Variants in SPAG16 observed in about 807,000 individuals in gnomAD.
SPAG16 encodes the protein sperm associated antigen 16, also known as sperm-associated antigen 16 protein.
In SPAG16, 86 loss-of-function variants were observed where a neutral mutation model predicts 80.4. The ratio of observed to expected loss-of-function variants is 1.07; its 90% CI spans 0.90 to 1.28. The LOEUF (loss-of-function observed/expected upper bound fraction) is 1.28. Among genes scored for constraint, SPAG16 ranks in the 50% most tolerant of loss-of-function variants. SPAG16 has a pLI of 0.00. For missense variants in SPAG16, 870 were observed against 765.3 expected, an observed-to-expected ratio of 1.14 and a Z score of -1.61; for synonymous variants, 294 against 265.9, an observed-to-expected ratio of 1.11 and a Z score of -1.03.
intron 14 of SPAG16, among the ~76,000 whole-genome samples, chr2:214,114,057 T>G (rs568719172): frequency 6.6e-6 from 1 of 152,324 alleles, no homozygotes; most frequent in South Asian, 2.1e-4. Flanking sequence ...TTCTGTTTGT[T>G]ATTTTTCCTT....
chr2:213,285,297 T>C (rs965555018), intron 1 of SPAG16, among the ~76,000 whole-genome samples: 1 of 152,208 alleles, frequency 6.6e-6, no homozygotes, highest in Non-Finnish European at 1.5e-5. Context: ...TTATCGGAAG[T>C]ACCAGAAAAA....
chr2:213,638,728 G>T (rs1447123201), intron 10 of SPAG16, among the ~76,000 whole-genome samples: 3 of 152,124 alleles, frequency 2.0e-5, no homozygotes, highest in African/African-American at 7.2e-5. Flanking sequence ...CAGTTGCTAG[G>T]TAGAATGTTC....
chr2:213,429,138 T>A lies in SPAG16; in HGVS notation c.942+54019T>A, dbSNP rs71426337. On this transcript the variant is annotated intron_variant, in intron 9 of 15. Coordinates refer to ENST00000331683, the MANE Select transcript of SPAG16 (RefSeq NM_024532.5). ...GGAGAGAGGTGGGTCCTATATTCGT[T>A]TGCCTAGATTAAGGACTGGGCTGCC... Among the ~76,000 whole-genome samples, 910 of 151,980 alleles carry A rather than the reference T, an allele frequency of 6.0e-3. 5 individuals are homozygous for A. The highest frequency in any genetic ancestry group is 0.011 in the Admixed American group (168 of 15,290).
intron 15 of SPAG16, among the ~76,000 whole-genome samples, chr2:214,317,749 A>G (rs1034494213): frequency 3.3e-5 from 5 of 152,244 alleles, no homozygotes; most frequent in Admixed American, 2.6e-4. Flanking sequence ...TGGGCAGGGG[A>G]AAAAGTGGCT....
chr2:213,780,805 T>C (rs1166440893), intron 10 of SPAG16, among the ~76,000 whole-genome samples: 4 of 152,156 alleles, frequency 2.6e-5, no homozygotes, highest in African/African-American at 9.7e-5. Flanking sequence ...AGTCATCTTA[T>C]AAATACTTGG....
intron 10 of SPAG16, among the ~76,000 whole-genome samples, chr2:213,559,336 CT>C (rs2059529683): frequency 6.6e-6 from 1 of 152,084 alleles, no homozygotes; most frequent in Non-Finnish European, 1.5e-5. Context: ...TGTCATGAAG[CT>C]TTTCAGCAAA....
intron 10 of SPAG16, among the ~76,000 whole-genome samples, chr2:213,850,896 T>C: frequency 6.6e-6 from 1 of 152,128 alleles, no homozygotes; most frequent in East Asian, 1.9e-4. Context: ...CTTTGGATTT[T>C]TTTTCTCATA....
rs180929444 is a variant in SPAG16 at position 213,293,362 on chromosome 2, A to G, written c.137-2702A>G. On this transcript the variant is annotated intron_variant, in intron 1 of 15. Transcript: ENST00000331683. ...CAGTGAGCCCCACCTCCTAATATTC[A>G]TGCTCTTGTGTAATCCTCACACACT... 6.5e-3 allele frequency among the ~76,000 whole-genome samples: 991 copies of G among 152,322 alleles called. 11 individuals are homozygous for G. Among genetic ancestry groups the G allele is most frequent in the Non-Finnish European group, 8.3e-3 (567 of 68,018 alleles).
rs533881025 is a variant in SPAG16, at chr2:214,100,523, C to T, written c.1528-7673C>T. On this transcript the variant is annotated intron_variant, in intron 13 of 15. Coordinates refer to ENST00000331683, the MANE Select transcript of SPAG16 (RefSeq NM_024532.5). ...ACCTGATAAGTAGTTTTTCAATACT[C>T]GTCTTTCTCCCACCTTCCACCCTCA... 9.2e-5 allele frequency among the ~76,000 whole-genome samples: 14 copies of T among 152,144 alleles called. No individual in the cohort carries two copies. The South Asian group carries it at 1.7e-3, about 18-fold the overall frequency.
At chr2:213,452,793 CA>C (rs2071779662) in intron 9 of SPAG16, among the ~76,000 whole-genome samples, 1 of 152,214 alleles carries the variant, frequency 6.6e-6, no homozygotes, top group South Asian at 2.1e-4. Flanking sequence ...TGGGCCTTTG[CA>C]TATGCCCTAA....
chr2:213,634,079 G>T (rs1375826736), intron 10 of SPAG16, among the ~76,000 whole-genome samples: 1 of 151,894 alleles, frequency 6.6e-6, no homozygotes, highest in African/African-American at 2.4e-5. Context: ...TTGTTTTTGG[G>T]TTGTTTTGTG....
intron 15 of SPAG16, among the ~76,000 whole-genome samples, chr2:214,263,703 C>T (rs1173536290): frequency 6.6e-6 from 1 of 152,132 alleles, no homozygotes; most frequent in Non-Finnish European, 1.5e-5. Flanking sequence ...AAAGTTAATT[C>T]GGGAATTTCA....
chr2:213,643,767 CTTTTTTTT>C (rs71063764), intron 10 of SPAG16, among the ~76,000 whole-genome samples: 4 of 52,028 alleles, frequency 7.7e-5, no homozygotes, highest in East Asian at 6.4e-4. Context: ...CTCACTACTT[CTTTTTTTT>C]TTTTTTTTTT....
rs557889046 is a variant in SPAG16 at position 214,188,161 on chromosome 2, T to C, written c.1720+38895T>C. On this transcript the variant is annotated intron_variant, in intron 15 of 15. Transcript: ENST00000331683. ...TGTAGCTCAATCTCTCACTTGACCATGTGAGATTCATTTGCCAAGGCTAGA... is the reference window on the plus strand; with the variant it reads ...TGTAGCTCAATCTCTCACTTGACCACGTGAGATTCATTTGCCAAGGCTAGA... Among the ~76,000 whole-genome samples, 19 of 152,262 alleles carry C rather than the reference T, an allele frequency of 1.2e-4. No homozygotes were observed. In the East Asian group the frequency reaches 3.7e-3, roughly 29 times the overall value.
intron 5 of SPAG16, among the ~76,000 whole-genome samples, chr2:213,330,850 T>A (rs1172602589): frequency 6.6e-6 from 1 of 152,160 alleles, no homozygotes; most frequent in Non-Finnish European, 1.5e-5. Context: ...GCTGTTCTTG[T>A]GACAGCAAAT....
intron 10 of SPAG16, among the ~76,000 whole-genome samples, chr2:213,576,102 T>C (rs2060115021): frequency 1.3e-5 from 2 of 152,190 alleles, no homozygotes; most frequent in Non-Finnish European, 2.9e-5. Flanking sequence ...TTTTTGCATA[T>C]GATATAATGA....
At chr2:213,712,948 G>A (rs376260328) in intron 10 of SPAG16, among the ~76,000 whole-genome samples, 7 of 152,222 alleles carry the variant, frequency 4.6e-5, no homozygotes, top group African/African-American at 1.7e-4. Context: ...AAGAAAAGAG[G>A]TTTAATGGAC....
chr2:213,946,481 AT>A (rs944212612), intron 12 of SPAG16, among the ~76,000 whole-genome samples: 4 of 152,140 alleles, frequency 2.6e-5, no homozygotes, highest in African/African-American at 9.7e-5. Context: ...TGCTCTGTAT[AT>A]TTTAGATTAC....
chr2:213,400,386 GTT>G (rs1214740664), intron 9 of SPAG16, among the ~76,000 whole-genome samples: 1 of 152,050 alleles, frequency 6.6e-6, no homozygotes, highest in Non-Finnish European at 1.5e-5. Context: ...TTCCATTATG[GTT>G]TGTTCTTTGT....
Sources: gnomAD v4.1 joint callset for allele counts (sites outside exome capture counted in the v4.1 genomes callset) on GRCh38, gnomAD v4.1.1 for gene constraint, MANE v1.5 for transcripts, NCBI Gene and HGNC (gene_info 2026-07-23, HGNC 2026-07-21) for gene names.